CTNNA3: variants seen among roughly 807,000 people sequenced by gnomAD.
CTNNA3 encodes the protein catenin alpha-3.
A neutral mutation model predicts 95.7 loss-of-function variants in CTNNA3; 76 were observed. The observed-to-expected ratio is 0.79, with a 90% CI of 0.66 to 0.96. The LOEUF (loss-of-function observed/expected upper bound fraction) is 0.96, where lower values mean the gene tolerates loss of function less well. CTNNA3 is among the 40% of genes least tolerant of loss of function. CTNNA3 has a pLI of 0.00. For missense variants in CTNNA3, 1,191 were observed against 1,089.8 expected, an observed-to-expected ratio of 1.09 and a Z score of -1.31; for synonymous variants, 431 against 374.4, an observed-to-expected ratio of 1.15 and a Z score of -1.74.
In CTNNA3 at chr10:67,640,647, C is replaced by A. The variant is rs1404808450; in HGVS notation, c.99+6768G>T. On this transcript the variant is annotated intron_variant, in intron 2 of 17. Coordinates refer to ENST00000433211, the MANE Select transcript of CTNNA3 (RefSeq NM_013266.4). ...AACCAAAACAGCATGGTACTGGTAC[C>A]AAAACAGAGATATCGACCAATGGAA... Among the ~76,000 whole-genome samples, 11 of 152,082 alleles carry A rather than the reference C, an allele frequency of 7.2e-5. No individual in the cohort carries two copies. In the East Asian group the frequency reaches 1.9e-3, roughly 27 times the overall value.
intron 5 of CTNNA3, among the ~76,000 whole-genome samples, chr10:67,374,430 G>A (rs986797661): frequency 7.0e-6 from 1 of 143,770 alleles, no homozygotes; most frequent in Non-Finnish European, 1.5e-5. Flanking sequence ...ATTGGATAAC[G>A]AATGAACGAA....
At chr10:66,829,148 C>T (rs1352474425) in intron 7 of CTNNA3, among the ~76,000 whole-genome samples, 1 of 152,200 alleles carries the variant, frequency 6.6e-6, no homozygotes, top group Non-Finnish European at 1.5e-5. Flanking sequence ...TCTGGTACAA[C>T]ACCTTGTAAA....
At chr10:66,101,141 G>A (rs1396378669) in intron 14 of CTNNA3, among the ~76,000 whole-genome samples, 2 of 152,132 alleles carry the variant, frequency 1.3e-5, no homozygotes, top group Non-Finnish European at 2.9e-5. Context: ...TTAGCAAAAT[G>A]TATTTCCAAT....
At chr10:67,399,645 C>G (rs1388718688) in intron 5 of CTNNA3, among the ~76,000 whole-genome samples, 3 of 152,154 alleles carry the variant, frequency 2.0e-5, no homozygotes, top group African/African-American at 7.2e-5. Context: ...CTTCACCACC[C>G]AACTCACATC....
intron 17 of CTNNA3, among the ~76,000 whole-genome samples, chr10:65,959,461 C>T (rs921130514): frequency 6.6e-6 from 1 of 152,186 alleles, no homozygotes; most frequent in South Asian, 2.1e-4. Context: ...CACCCATCTT[C>T]TGTATCGCTC....
At chr10:67,125,363 G>C (rs957868299) in intron 7 of CTNNA3, among the ~76,000 whole-genome samples, 6 of 151,800 alleles carry the variant, frequency 4.0e-5, no homozygotes, top group Non-Finnish European at 7.4e-5. Flanking sequence ...GAATGCGCCC[G>C]GGAAAATACG....
chr10:66,091,473 A>G (rs1048858660), intron 14 of CTNNA3, among the ~76,000 whole-genome samples: 1 of 151,946 alleles, frequency 6.6e-6, no homozygotes, highest in Non-Finnish European at 1.5e-5. Context: ...GACTCAATAA[A>G]TATTTAAAGC....
chr10:66,038,776 C>T (rs536130104), intron 15 of CTNNA3, among the ~76,000 whole-genome samples: 1 of 152,170 alleles, frequency 6.6e-6, no homozygotes, highest in African/African-American at 2.4e-5. Flanking sequence ...GGCAAACCCA[C>T]AGCCAACATC....
intron 5 of CTNNA3, among the ~76,000 whole-genome samples, chr10:67,406,958 G>C (rs932193238): frequency 2.0e-5 from 3 of 152,104 alleles, no homozygotes; most frequent in Admixed American, 2.0e-4. Flanking sequence ...CCCATAACCA[G>C]ATGGATTCAC....
At chr10:67,392,619 C>A (rs535916259) in intron 5 of CTNNA3, among the ~76,000 whole-genome samples, 83 of 152,092 alleles carry the variant, frequency 5.5e-4, no homozygotes, top group Admixed American at 5.2e-3. Flanking sequence ...ATGTTTATTG[C>A]GGCACTCTTC....
rs567537992 is a variant in CTNNA3, at chr10:66,757,574, C to A, written c.1281+8690G>T. ...AATGACTGCATGCAGATTTTACAGG[C>A]AGAAGTGTGGGCTTCCCAGCTCTCT... On this transcript the variant is annotated intron_variant, in intron 9 of 17. Coordinates refer to ENST00000433211, the MANE Select transcript of CTNNA3 (RefSeq NM_013266.4). Among the ~76,000 whole-genome samples, 17 of 152,250 alleles carry A rather than the reference C, an allele frequency of 1.1e-4. No homozygotes were observed. The South Asian group carries it at 3.3e-3, about 30-fold the overall frequency.
At chr10:66,539,113 G>A (rs1841757847) in intron 10 of CTNNA3, among the ~76,000 whole-genome samples, 1 of 152,068 alleles carries the variant, frequency 6.6e-6, no homozygotes, top group Admixed American at 6.6e-5. Flanking sequence ...TGACTAATAC[G>A]ACATTGGAAA....
intron 7 of CTNNA3, among the ~76,000 whole-genome samples, chr10:66,883,573 A>C (rs1404259834): frequency 6.6e-6 from 1 of 152,150 alleles, no homozygotes; most frequent in Non-Finnish European, 1.5e-5. Context: ...TCTGCATTAC[A>C]TCCTGCAAGG....
At chr10:65,999,186 G>C (rs940981266) in intron 15 of CTNNA3, among the ~76,000 whole-genome samples, 1 of 152,070 alleles carries the variant, frequency 6.6e-6, no homozygotes, top group Non-Finnish European at 1.5e-5. Flanking sequence ...TTCAAGTAAG[G>C]CATTGCATTT....
At chr10:66,607,728 C>T (rs980328442) in intron 10 of CTNNA3, among the ~76,000 whole-genome samples, 7 of 152,082 alleles carry the variant, frequency 4.6e-5, no homozygotes, top group Admixed American at 4.6e-4. Context: ...GCAGAAAAGG[C>T]TTTCAATAAA....
intron 7 of CTNNA3, among the ~76,000 whole-genome samples, chr10:66,879,923 C>T (rs943858954): frequency 6.6e-6 from 1 of 152,014 alleles, no homozygotes; most frequent in African/African-American, 2.4e-5. Context: ...TCTTACCTGA[C>T]ACATACTGGG....
At chr10:67,414,132 C>A (rs1845467400) in intron 5 of CTNNA3, among the ~76,000 whole-genome samples, 1 of 151,888 alleles carries the variant, frequency 6.6e-6, no homozygotes, top group South Asian at 2.1e-4. Flanking sequence ...ATACAAAAGA[C>A]CAATGAAACC....
In CTNNA3 at chr10:67,430,171, C is replaced by A. The variant is rs191678719; in HGVS notation, c.579+91671G>T. On this transcript the variant is annotated intron_variant, in intron 5 of 17. Transcript: ENST00000433211. Reference sequence around the variant, plus strand: ...TACTCTTAAACATTCCAAATATGACCAAAAATACAATGTTCTTTATCTGTT... The same window carrying A: ...TACTCTTAAACATTCCAAATATGACAAAAAATACAATGTTCTTTATCTGTT... Among the ~76,000 whole-genome samples, 10 of 151,970 alleles carry A rather than the reference C, an allele frequency of 6.6e-5. No individual in the cohort carries two copies. In the East Asian group the frequency reaches 1.2e-3, roughly 18 times the overall value.
chr10:66,361,497 T>A (rs1395691547), intron 12 of CTNNA3, among the ~76,000 whole-genome samples: 1 of 151,162 alleles, frequency 6.6e-6, no homozygotes, highest in Non-Finnish European at 1.5e-5. Flanking sequence ...TTTCTCTCTC[T>A]CTCTCCTTCT....
Sources: allele counts gnomAD v4.1 joint callset (sites outside exome capture counted in the v4.1 genomes callset), GRCh38; gene constraint gnomAD v4.1.1; transcripts MANE v1.5; gene names NCBI Gene and HGNC (gene_info 2026-07-23, HGNC 2026-07-21).